The following CDH2 variants were observed in gnomAD, a reference collection of about 807,000 sequenced individuals.
The protein encoded by CDH2 is cadherin 2.
In CDH2, 17 loss-of-function variants were observed where a neutral mutation model predicts 92.0. The ratio of observed to expected loss-of-function variants is 0.18; its 90% CI spans 0.13 to 0.28. The LOEUF (loss-of-function observed/expected upper bound fraction) is 0.28. Ranked by LOEUF, CDH2 falls within the 10% of genes least tolerant of loss-of-function variation. The probability of loss-of-function intolerance (pLI) is 1.00; values close to 1 mark genes in which losing one functional copy is unlikely to be tolerated. For missense variants in CDH2, 862 were observed against 1,133.1 expected, an observed-to-expected ratio of 0.76 and a Z score of 3.44; for synonymous variants, 419 against 415.9, an observed-to-expected ratio of 1.01 and a Z score of -0.09.
chr18:28,013,049 G>A (rs1208009367), intron 3 of CDH2, among the ~76,000 whole-genome samples: 1 of 152,120 alleles, frequency 6.6e-6, no homozygotes, highest in Non-Finnish European at 1.5e-5. Context: ...CGTTACTGAA[G>A]TTACTGTATT....
intron 2 of CDH2, among the ~76,000 whole-genome samples, chr18:28,120,106 A>G (rs1598488856): frequency 2.0e-5 from 3 of 151,998 alleles, no homozygotes; most frequent in East Asian, 1.9e-4. Flanking sequence ...CACAGCCAAA[A>G]CTGCATTTTG....
At position 28,098,963 on chromosome 18, in the gene CDH2, T is replaced by C. The variant is rs371521679; in HGVS notation, c.172+48710A>G. Among the ~76,000 whole-genome samples, 4 of 152,226 alleles carry C rather than the reference T, an allele frequency of 2.6e-5. No individual in the cohort carries two copies. In the East Asian group the frequency reaches 5.8e-4, roughly 22 times the overall value. ...AAATAAGGAAGAGTGACTGTATATA[T>C]ACATAGGGGAAAAACTGGATGGATT... On this transcript the variant is annotated intron_variant, in intron 2 of 15. Transcript: ENST00000269141.
rs2012363054 is a variant in CDH2, at chr18:27,990,112, A to G, written c.1583T>C (p.Met528Thr). 1 of 1,613,868 alleles carries G rather than the reference A, an allele frequency of 6.2e-7. No homozygotes were observed. Among genetic ancestry groups the G allele is most frequent in the African/African-American group, 1.3e-5 (1 of 74,932 alleles). Residue 528 changes from methionine (M) to threonine (T), a missense_variant, in exon 10 of 16, where the codon ATG (methionine) becomes ACG (threonine). Met to Thr is a moderately conservative substitution (Grantham distance 81). Transcript: ENST00000269141. ...CATTTCATACCTAATATTTTGCTGCATATATCGATCTGGGTCCTGAGCAGT... is the reference window on the plus strand; with the variant it reads ...CATTTCATACCTAATATTTTGCTGCGTATATCGATCTGGGTCCTGAGCAGT... ...TFTAQDPDRY[M>T]QQNIRYTKLS...
At chr18:28,103,335 TTA>T (rs71378968) in intron 2 of CDH2, among the ~76,000 whole-genome samples, 1 of 137,692 alleles carries the variant, frequency 7.3e-6, no homozygotes, top group Admixed American at 7.4e-5. Flanking sequence ...AAAAACTCCT[TTA>T]TATATATAAA....
chr18:27,933,430 G>A (rs567975151), intron 6 of CDH2, among the ~76,000 whole-genome samples: 1 of 152,086 alleles, frequency 6.6e-6, no homozygotes, highest in African/African-American at 2.4e-5. Context: ...TAATTGTTTA[G>A]TCATCAACAT....
At chr18:27,956,083 C>T (rs1021822547) in intron 15 of CDH2, among the ~76,000 whole-genome samples, 2 of 152,114 alleles carry the variant, frequency 1.3e-5, no homozygotes, top group African/African-American at 2.4e-5. Context: ...CAGTAACAGG[C>T]ACGAAATCTG....
chr18:27,941,803 T>TA (rs1459506036), intron 6 of CDH2, among the ~76,000 whole-genome samples: 1 of 152,218 alleles, frequency 6.6e-6, no homozygotes, highest in African/African-American at 2.4e-5. Flanking sequence ...TCCAGAGTAA[T>TA]AAAGTTTGAT....
chr18:28,037,410 A>C (rs1303788632), intron 2 of CDH2, among the ~76,000 whole-genome samples: 3 of 152,264 alleles, frequency 2.0e-5, no homozygotes, highest in Non-Finnish European at 2.9e-5. Flanking sequence ...TCTTGTTTTT[A>C]AACATCCCCC....
chr18:28,044,989 T>C lies in CDH2; in HGVS notation c.173-31080A>G, dbSNP rs573857760. 9.1e-4 allele frequency among the ~76,000 whole-genome samples: 138 copies of C among 152,170 alleles called. 2 individuals are homozygous for C. The South Asian group carries it at 0.027, about 29-fold the overall frequency. On this transcript the variant is annotated intron_variant, in intron 2 of 15. Transcript: ENST00000269141. ...AGAACTTTCTTGCTATTCAGAGCAA[T>C]AGATCTAAGTAGCTACATGAAATTT...
intron 2 of CDH2, among the ~76,000 whole-genome samples, chr18:28,049,710 A>G (rs947840526): frequency 6.6e-6 from 1 of 152,134 alleles, no homozygotes; most frequent in Non-Finnish European, 1.5e-5. Flanking sequence ...CACAACAACA[A>G]TCTCAGCCAC....
chr18:28,099,551 C>T (rs1239664255), intron 2 of CDH2, among the ~76,000 whole-genome samples: 1 of 152,036 alleles, frequency 6.6e-6, no homozygotes, highest in Non-Finnish European at 1.5e-5. Flanking sequence ...AATGTTATAA[C>T]TACACAGTAA....
intron 2 of CDH2, among the ~76,000 whole-genome samples, chr18:28,048,684 A>AT (rs1403025094): frequency 6.6e-6 from 1 of 152,176 alleles, no homozygotes; most frequent in Non-Finnish European, 1.5e-5. Flanking sequence ...CATGACACAA[A>AT]TTTGAATGTA....
intron 7 of CDH2, among the ~76,000 whole-genome samples, chr18:27,995,669 T>C (rs2012559297): frequency 6.6e-6 from 1 of 152,202 alleles, no homozygotes; most frequent in Non-Finnish European, 1.5e-5. Context: ...GCATAATACA[T>C]CCAATAATTT....
intron 15 of CDH2, among the ~76,000 whole-genome samples, chr18:27,960,974 G>T (rs1265201457): frequency 6.6e-6 from 1 of 151,664 alleles, no homozygotes; most frequent in African/African-American, 2.4e-5. Context: ...TTGGGTAAGT[G>T]AAACTTATTG....
At chr18:28,066,742 C>CA (rs371551674) in intron 2 of CDH2, among the ~76,000 whole-genome samples, 10,482 of 138,282 alleles carry the variant, frequency 0.076, 396 homozygotes, top group Non-Finnish European at 0.092. Flanking sequence ...CTGTAAATTA[C>CA]AAAAAAAAAA....
intron 15 of CDH2, among the ~76,000 whole-genome samples, chr18:27,958,098 A>G (rs1254279621): frequency 2.6e-5 from 4 of 152,220 alleles, no homozygotes; most frequent in African/African-American, 7.2e-5. Context: ...AGGTTCTATT[A>G]CTATTCCCAT....
At chr18:27,955,761 G>GTTTT (rs5823568) in intron 15 of CDH2, among the ~76,000 whole-genome samples, 36,673 of 109,948 alleles carry the variant, frequency 0.33, 8,385 homozygotes, top group Non-Finnish European at 0.45. Context: ...CTTTATTTCT[G>GTTTT]TTTTTTTTTT....
intron 2 of CDH2, among the ~76,000 whole-genome samples, chr18:28,116,189 C>T (rs1486565854): frequency 1.3e-5 from 2 of 152,082 alleles, no homozygotes; most frequent in Non-Finnish European, 2.9e-5. Context: ...GGTTGAAAAA[C>T]CCTGGCTTAA....
intron 2 of CDH2, among the ~76,000 whole-genome samples, chr18:28,057,923 C>A (rs2014326643): frequency 6.6e-6 from 1 of 152,004 alleles, no homozygotes; most frequent in Admixed American, 6.6e-5. Context: ...AAAAATAATA[C>A]AAGTCATGGA....
Sources: gnomAD v4.1 joint callset for allele counts (sites outside exome capture counted in the v4.1 genomes callset) on GRCh38, gnomAD v4.1.1 for gene constraint, MANE v1.5 for transcripts, NCBI Gene and HGNC (gene_info 2026-07-23, HGNC 2026-07-21) for gene names.